FOCAD: variants seen among roughly 807,000 people sequenced by gnomAD.
FOCAD encodes focadhesin, also known as KIAA1797.
In FOCAD, 198 loss-of-function variants were observed where a neutral mutation model predicts 225.6. That is an observed-to-expected ratio of 0.88 (90% CI 0.78 to 0.99). FOCAD has a LOEUF of 0.99. FOCAD is among the 50% of genes least tolerant of loss of function. The pLI, the probability that FOCAD is intolerant of heterozygous loss-of-function variation, is 0.00. For synonymous variants in FOCAD, 897 were observed against 755.0 expected (o/e 1.19, Z -3.08); for missense variants, 2,713 against 2,123.6 (o/e 1.28, Z -5.46).
chr9:20,718,331 T>A (rs931267913), intron 3 of FOCAD, among the ~76,000 whole-genome samples: 71 of 152,232 alleles, frequency 4.7e-4, no homozygotes, highest in African/African-American at 1.7e-3. Flanking sequence ...AAATTCCATC[T>A]TACACAAATA....
At chr9:20,746,131 G>A (rs774375200) in intron 5 of FOCAD, among the ~76,000 whole-genome samples, 1 of 152,222 alleles carries the variant, frequency 6.6e-6, no homozygotes, top group Non-Finnish European at 1.5e-5. Context: ...GCAAAGACCA[G>A]TGTGTGGTTG....
intron 15 of FOCAD, among the ~76,000 whole-genome samples, chr9:20,849,321 T>A (rs1318756899): frequency 6.6e-6 from 1 of 151,846 alleles, no homozygotes; most frequent in Non-Finnish European, 1.5e-5. Context: ...CTTTTGGAAA[T>A]CAACCATCTA....
intron 11 of FOCAD, among the ~76,000 whole-genome samples, chr9:20,795,589 T>A (rs931314892): frequency 6.6e-6 from 1 of 151,826 alleles, no homozygotes; most frequent in East Asian, 1.9e-4. Flanking sequence ...ATTGAGACCA[T>A]CCTGGCTACA....
At chr9:20,986,995 T>TG (rs1841231036) in intron 40 of FOCAD, among the ~76,000 whole-genome samples, 1 of 152,148 alleles carries the variant, frequency 6.6e-6, no homozygotes, top group African/African-American at 2.4e-5. Context: ...CGTTATGCTT[T>TG]AATAATTACT....
chr9:20,822,169 A>G (rs1824404415), intron 14 of FOCAD, among the ~76,000 whole-genome samples: 1 of 152,030 alleles, frequency 6.6e-6, no homozygotes, highest in South Asian at 2.1e-4. Context: ...TGAATATCAG[A>G]CCAGATCAGT....
At chr9:20,792,817 C>G (rs1587183631) in intron 11 of FOCAD, among the ~76,000 whole-genome samples, 2 of 151,988 alleles carry the variant, frequency 1.3e-5, no homozygotes, top group East Asian at 3.8e-4. Flanking sequence ...ACTTGCTGGT[C>G]TTTAAAAAGT....
At chr9:20,886,038 A>G (rs1246802497) in intron 21 of FOCAD, among the ~76,000 whole-genome samples, 1 of 152,208 alleles carries the variant, frequency 6.6e-6, no homozygotes, top group Non-Finnish European at 1.5e-5. Context: ...TGCCTAATTT[A>G]TACATTTGGT....
chr9:20,881,060 A>G (rs1449310960), intron 19 of FOCAD, among the ~76,000 whole-genome samples: 1 of 152,216 alleles, frequency 6.6e-6, no homozygotes, highest in Admixed American at 6.5e-5. Context: ...TAGAAAGAAC[A>G]CAAGCAAAGA....
intron 15 of FOCAD, among the ~76,000 whole-genome samples, chr9:20,849,616 A>G (rs943044548): frequency 2.0e-5 from 3 of 151,898 alleles, no homozygotes; most frequent in Non-Finnish European, 2.9e-5. Context: ...AAGAGTTAGC[A>G]TCTTTAATTT....
At chr9:20,981,728 G>C in intron 38 of FOCAD, 42 bp downstream of exon 38, 1 of 1,574,362 alleles carries the variant, frequency 6.4e-7, no homozygotes, top group Non-Finnish European at 8.6e-7. Context: ...ATTTATGTTT[G>C]GGATATTTTA....
chr9:20,900,389 A>G (rs1564129049), intron 21 of FOCAD, among the ~76,000 whole-genome samples: 1 of 151,906 alleles, frequency 6.6e-6, no homozygotes, highest in Non-Finnish European at 1.5e-5. Flanking sequence ...TAAAATCTTT[A>G]GTTCTACATT....
At chr9:20,858,988 G>C (rs569524246) in intron 15 of FOCAD, among the ~76,000 whole-genome samples, 3 of 151,994 alleles carry the variant, frequency 2.0e-5, no homozygotes, top group Non-Finnish European at 4.4e-5. Flanking sequence ...TTTTAGACTT[G>C]TTTTGTGGTC....
intron 30 of FOCAD, 104 bp downstream of exon 30, chr9:20,946,924 G>A (rs1393371292): frequency 7.2e-7 from 1 of 1,398,492 alleles, no homozygotes. Flanking sequence ...TATTTTTCAT[G>A]TCTAGAACTG....
intron 36 of FOCAD, among the ~76,000 whole-genome samples, chr9:20,976,903 T>A (rs191249095): frequency 7.4e-4 from 112 of 152,290 alleles, no homozygotes; most frequent in Non-Finnish European, 1.2e-3. Flanking sequence ...CTGTATTAAT[T>A]TTCTATTGCT....
rs537773005 is a variant in FOCAD at position 20,875,026 on chromosome 9, A to T, written c.2317+219A>T. The T allele has an allele frequency of 9.7e-5, 49 of 507,278 alleles. 1 individual carries two copies. In the South Asian group the frequency reaches 1.3e-3, roughly 13 times the overall value. The allele number at this position is 507,278 out of a possible 1,614,324, so 31.4% of individuals were successfully genotyped here. A position where few individuals can be genotyped will look rare whatever the true frequency, so the allele number is the denominator to read the frequency against. Reference sequence around the variant, plus strand: ...TACATCTGAGTAGGATTGAACAAGAAAACTAGTGTAAACAATTGTGTTCAC... The same window carrying T: ...TACATCTGAGTAGGATTGAACAAGATAACTAGTGTAAACAATTGTGTTCAC... On this transcript the variant is annotated intron_variant, in intron 19 of 43. Coordinates refer to ENST00000338382, the MANE Select transcript of FOCAD (RefSeq NM_001375567.1).
chr9:20,702,285 G>A (rs1453692069), intron 1 of FOCAD, among the ~76,000 whole-genome samples: 1 of 152,006 alleles, frequency 6.6e-6, no homozygotes, highest in Non-Finnish European at 1.5e-5. Flanking sequence ...AAAATTTTTT[G>A]TAGAGATGGG....
chr9:20,907,099 T>A (rs1833042598), intron 21 of FOCAD, 51 bp from the exon 22 acceptor site: 1 of 1,387,862 alleles, frequency 7.2e-7, no homozygotes, highest in Non-Finnish European at 1.0e-6. Flanking sequence ...TTAATTTTAT[T>A]CTTTTTTAAT....
intron 24 of FOCAD, among the ~76,000 whole-genome samples, chr9:20,922,559 A>T (rs1467793449): frequency 6.6e-6 from 1 of 152,210 alleles, no homozygotes; most frequent in African/African-American, 2.4e-5. Flanking sequence ...TCTTCAATTG[A>T]GACTATGGCT....
chr9:20,701,079 C>G (rs1014594640), intron 1 of FOCAD, among the ~76,000 whole-genome samples: 1 of 152,142 alleles, frequency 6.6e-6, no homozygotes, highest in African/African-American at 2.4e-5. Flanking sequence ...TGATTATAAC[C>G]CTCTCAGAGC....
Sources: gnomAD v4.1 joint callset for allele counts (sites outside exome capture counted in the v4.1 genomes callset) on GRCh38, gnomAD v4.1.1 for gene constraint, MANE v1.5 for transcripts, NCBI Gene and HGNC (gene_info 2026-07-23, HGNC 2026-07-21) for gene names.